TLL2: variants seen among roughly 807,000 people sequenced by gnomAD.
TLL2 encodes the protein tolloid-like protein 2.
Under a neutral mutation model 123.0 loss-of-function variants are expected in TLL2, and 106 were observed. That is an observed-to-expected ratio of 0.86 (90% CI 0.74 to 1.01). The LOEUF (loss-of-function observed/expected upper bound fraction) is 1.01, where lower values mean the gene tolerates loss of function less well. TLL2 is among the 50% of genes least tolerant of loss of function. The pLI is 0.00. For synonymous variants in TLL2, 494 were observed against 516.8 expected, an observed-to-expected ratio of 0.96 and a Z score of 0.60; for missense variants, 1,332 against 1,336.7, an observed-to-expected ratio of 1.00 and a Z score of 0.06.
rs181197807 is a variant in TLL2, at chr10:96,400,917, T to C, written c.1268-3615A>G. On this transcript the variant is annotated intron_variant, in intron 10 of 20. Coordinates refer to ENST00000357947, the MANE Select transcript of TLL2 (RefSeq NM_012465.4). The stretch of plus-strand genomic sequence containing the variant: ...TGACCCCCAAAACTGACAAACCAAT[T>C]TGATATCTTTAACCAGCCATGAAAT... Among the ~76,000 whole-genome samples the C allele has an allele frequency of 2.6e-5, 4 of 152,314 alleles. No homozygotes were observed. The East Asian group carries it at 5.8e-4, about 22-fold the overall frequency.
chr10:96,458,633 T>C (rs1438956962), intron 2 of TLL2, among the ~76,000 whole-genome samples: 1 of 120,894 alleles, frequency 8.3e-6, no homozygotes, highest in Non-Finnish European at 1.7e-5. Context: ...CAGCCAGTCG[T>C]GGTGGCTCAC....
chr10:96,416,446 A>G (rs74151310), intron 7 of TLL2, among the ~76,000 whole-genome samples: 1,750 of 152,248 alleles, frequency 0.011, 34 homozygotes, highest in African/African-American at 0.04. Context: ...AGGTGCCATT[A>G]TCACAAGAGC....
chr10:96,433,680 A>C (rs2134081516), intron 3 of TLL2, among the ~76,000 whole-genome samples: 1 of 152,306 alleles, frequency 6.6e-6, no homozygotes, highest in Non-Finnish European at 1.5e-5. Flanking sequence ...GCTTGCTTAG[A>C]ATCCCTCATT....
chr10:96,371,535 C>A (rs761391334), intron 19 of TLL2, among the ~76,000 whole-genome samples: 1 of 152,214 alleles, frequency 6.6e-6, no homozygotes, highest in East Asian at 1.9e-4. Flanking sequence ...CCTGCCTGGC[C>A]CCGGTCCTGT....
At chr10:96,399,728 A>G (rs1846375915) in intron 10 of TLL2, among the ~76,000 whole-genome samples, 1 of 152,234 alleles carries the variant, frequency 6.6e-6, no homozygotes, top group South Asian at 2.1e-4. Flanking sequence ...GCCGGTTCAC[A>G]AAAGGAATTC....
At chr10:96,469,159 C>A (rs988065460) in intron 2 of TLL2, among the ~76,000 whole-genome samples, 1 of 152,250 alleles carries the variant, frequency 6.6e-6, no homozygotes, top group African/African-American at 2.4e-5. Flanking sequence ...CTGGGGCCAG[C>A]CCTGTCCTCT....
chr10:96,389,383 C>A (rs1265557864), intron 13 of TLL2, among the ~76,000 whole-genome samples: 1 of 152,114 alleles, frequency 6.6e-6, no homozygotes, highest in Admixed American at 6.5e-5. Context: ...TAGAGAGGCA[C>A]AATGATGGGG....
intron 13 of TLL2, among the ~76,000 whole-genome samples, chr10:96,390,692 T>C (rs1158989495): frequency 6.6e-6 from 1 of 152,218 alleles, no homozygotes; most frequent in African/African-American, 2.4e-5. Context: ...ACGTGCTAGG[T>C]ACGTTGTGTT....
intron 1 of TLL2, among the ~76,000 whole-genome samples, chr10:96,510,524 C>A (rs1415315439): frequency 6.6e-6 from 1 of 152,214 alleles, no homozygotes; most frequent in Non-Finnish European, 1.5e-5. Context: ...CCATCAGTTT[C>A]TAGAAAATCC....
intron 2 of TLL2, among the ~76,000 whole-genome samples, chr10:96,470,313 G>A (rs1203180023): frequency 4.6e-5 from 7 of 152,200 alleles, no homozygotes; most frequent in Admixed American, 3.9e-4. Flanking sequence ...CAGCCTCATG[G>A]GGGAGCAGGA....
intron 7 of TLL2, 40 bp from the exon 8 acceptor site, chr10:96,413,356 C>A: frequency 6.2e-7 from 1 of 1,600,714 alleles, no homozygotes; most frequent in Non-Finnish European, 8.5e-7. Context: ...AAAGTCAAGG[C>A]CATCAGGCTG....
intron 13 of TLL2, among the ~76,000 whole-genome samples, chr10:96,390,114 A>C (rs993169927): frequency 6.6e-6 from 1 of 152,276 alleles, no homozygotes; most frequent in Admixed American, 6.5e-5. Context: ...CATTCAGCTT[A>C]GCATAGCAGG....
chr10:96,468,115 T>C (rs1261966343), intron 2 of TLL2, among the ~76,000 whole-genome samples: 1 of 152,026 alleles, frequency 6.6e-6, no homozygotes, highest in Non-Finnish European at 1.5e-5. Context: ...AACCAGAAGC[T>C]TCTCCCTCAT....
chr10:96,416,770 C>A (rs1435226652), intron 7 of TLL2, among the ~76,000 whole-genome samples: 1 of 152,224 alleles, frequency 6.6e-6, no homozygotes, highest in Non-Finnish European at 1.5e-5. Context: ...ACTACAAGAG[C>A]CGTCCCCTGT....
chr10:96,427,779 TTTG>T (rs1205939455), intron 5 of TLL2, among the ~76,000 whole-genome samples: 5 of 152,130 alleles, frequency 3.3e-5, no homozygotes, highest in Non-Finnish European at 7.4e-5. Context: ...TTTGGTTTTT[TTTG>T]TTGTTGTTGT....
At chr10:96,479,462 C>G (rs7908713) in intron 2 of TLL2, among the ~76,000 whole-genome samples, 59,014 of 152,108 alleles carry the variant, frequency 0.39, 11,928 homozygotes, top group East Asian at 0.73. Context: ...CATACATGAG[C>G]AGCCTGGAAG....
At chr10:96,482,796 G>A (rs1448814628) in intron 1 of TLL2, among the ~76,000 whole-genome samples, 4 of 152,134 alleles carry the variant, frequency 2.6e-5, no homozygotes, top group Admixed American at 1.3e-4. Flanking sequence ...CTTACAATAA[G>A]TGAATTACAC....
chr10:96,460,713 T>C (rs549075056), intron 2 of TLL2, among the ~76,000 whole-genome samples: 60 of 152,340 alleles, frequency 3.9e-4, no homozygotes, highest in Middle Eastern at 3.4e-3. Flanking sequence ...ACACTTCCTG[T>C]ACAGCCTGTG....
intron 3 of TLL2, among the ~76,000 whole-genome samples, chr10:96,443,682 C>T (rs1302399061): frequency 6.6e-6 from 1 of 152,216 alleles, no homozygotes; most frequent in African/African-American, 2.4e-5. Flanking sequence ...AGTGTGGCAT[C>T]TTTGTCACTG....
Sources: gnomAD v4.1 joint callset for allele counts (sites outside exome capture counted in the v4.1 genomes callset) on GRCh38, gnomAD v4.1.1 for gene constraint, MANE v1.5 for transcripts, NCBI Gene and HGNC (gene_info 2026-07-23, HGNC 2026-07-21) for gene names.